SGCZ: variants seen among roughly 807,000 people sequenced by gnomAD.
SGCZ encodes the protein sarcoglycan zeta, also known as zeta-sarcoglycan.
SGCZ carries 40 observed loss-of-function variants against 41.3 expected under a neutral mutation model. The ratio of observed to expected loss-of-function variants is 0.97; its 90% CI spans 0.75 to 1.26. SGCZ has a LOEUF of 1.26. Ranked by LOEUF, SGCZ falls within the 50% of genes most tolerant of loss-of-function variation. SGCZ has a pLI of 0.00. For synonymous variants in SGCZ, 206 were observed against 137.5 expected (o/e 1.50, Z -3.49); for missense variants, 552 against 369.8 (o/e 1.49, Z -4.04).
chr8:14,721,106 T>C (rs562434617), intron 1 of SGCZ, among the ~76,000 whole-genome samples: 167 of 152,262 alleles, frequency 1.1e-3, no homozygotes, highest in African/African-American at 3.9e-3. Context: ...TGTTTCTCTT[T>C]AATTATATTT....
At chr8:14,726,930 C>T (rs1810075444) in intron 1 of SGCZ, among the ~76,000 whole-genome samples, 1 of 152,096 alleles carries the variant, frequency 6.6e-6, no homozygotes, top group South Asian at 2.1e-4. Flanking sequence ...TTATGAGCTT[C>T]ACGAATCATG....
intron 1 of SGCZ, among the ~76,000 whole-genome samples, chr8:14,801,708 T>C (rs548273481): frequency 1.3e-5 from 2 of 152,290 alleles, no homozygotes; most frequent in Admixed American, 6.5e-5. Flanking sequence ...GAAAACTTGC[T>C]AGAAGGATCA....
At chr8:14,233,019 C>T (rs1806626988) in intron 4 of SGCZ, among the ~76,000 whole-genome samples, 1 of 151,832 alleles carries the variant, frequency 6.6e-6, no homozygotes, top group Non-Finnish European at 1.5e-5. Flanking sequence ...CCATAAGTAG[C>T]CATAATAAGT....
intron 1 of SGCZ, among the ~76,000 whole-genome samples, chr8:14,719,755 C>T (rs1187724005): frequency 1.3e-5 from 2 of 151,720 alleles, no homozygotes; most frequent in Admixed American, 6.6e-5. Flanking sequence ...TAGATATTAG[C>T]CCTTTGTCAG....
chr8:15,055,263 C>T (rs1804663447), intron 1 of SGCZ, among the ~76,000 whole-genome samples: 1 of 152,136 alleles, frequency 6.6e-6, no homozygotes, highest in Non-Finnish European at 1.5e-5. Flanking sequence ...TGTATACCTA[C>T]CATAGATATT....
intron 1 of SGCZ, among the ~76,000 whole-genome samples, chr8:14,614,322 G>T (rs12056560): frequency 0.28 from 42,842 of 151,988 alleles, 7,291 homozygotes; most frequent in East Asian, 0.62. Flanking sequence ...TATAATTACA[G>T]TAATGAATAT....
chr8:15,144,327 T>A (rs1798974929), intron 1 of SGCZ, among the ~76,000 whole-genome samples: 1 of 152,200 alleles, frequency 6.6e-6, no homozygotes, highest in Non-Finnish European at 1.5e-5. Context: ...CTCTACAGCT[T>A]CTGTGTTATT....
chr8:14,446,537 T>C (rs1800436985), intron 2 of SGCZ, among the ~76,000 whole-genome samples: 1 of 152,220 alleles, frequency 6.6e-6, no homozygotes, highest in South Asian at 2.1e-4. Context: ...TATTCAGAAG[T>C]TTGTTTTCCA....
chr8:14,669,764 G>C (rs1196989719), intron 1 of SGCZ, among the ~76,000 whole-genome samples: 1 of 151,380 alleles, frequency 6.6e-6, no homozygotes, highest in Non-Finnish European at 1.5e-5. Context: ...CAGACTTTTA[G>C]TATGTTTCCA....
At chr8:15,201,966 G>A (rs1800905734) in intron 1 of SGCZ, among the ~76,000 whole-genome samples, 1 of 152,106 alleles carries the variant, frequency 6.6e-6, no homozygotes, top group African/African-American at 2.4e-5. Flanking sequence ...ACCCATTAAT[G>A]TAGTTTGATT....
intron 1 of SGCZ, among the ~76,000 whole-genome samples, chr8:14,670,920 G>C (rs1175778720): frequency 6.6e-6 from 1 of 152,194 alleles, no homozygotes; most frequent in Non-Finnish European, 1.5e-5. Flanking sequence ...TATAGAACTA[G>C]TGAGTACACA....
intron 1 of SGCZ, among the ~76,000 whole-genome samples, chr8:14,871,066 G>C (rs144814887): frequency 2.0e-5 from 3 of 152,228 alleles, no homozygotes; most frequent in African/African-American, 4.8e-5. Flanking sequence ...AATTAGGTGG[G>C]TGTGGTGGCG....
chr8:14,352,644 C>G (rs1373922753), intron 2 of SGCZ, among the ~76,000 whole-genome samples: 2 of 152,062 alleles, frequency 1.3e-5, no homozygotes, highest in East Asian at 3.9e-4. Context: ...GCCCGTAGAG[C>G]TTGTTCCCAA....
At chr8:14,228,803 G>A (rs902560899) in intron 4 of SGCZ, among the ~76,000 whole-genome samples, 5 of 151,900 alleles carry the variant, frequency 3.3e-5, no homozygotes, top group Non-Finnish European at 7.4e-5. Flanking sequence ...GTTACCAAAG[G>A]CCATATATTC....
intron 1 of SGCZ, among the ~76,000 whole-genome samples, chr8:15,140,657 G>T: frequency 6.6e-6 from 1 of 151,640 alleles, no homozygotes; most frequent in South Asian, 2.1e-4. Flanking sequence ...TTACTTTTTT[G>T]TGTAAGTAAT....
At chr8:14,926,207 TG>T (rs1799743951) in intron 1 of SGCZ, among the ~76,000 whole-genome samples, 1 of 152,206 alleles carries the variant, frequency 6.6e-6, no homozygotes, top group Non-Finnish European at 1.5e-5. Flanking sequence ...AATATATGCA[TG>T]TTCTTATACT....
chr8:14,512,159 T>C (rs1802485194), intron 2 of SGCZ, among the ~76,000 whole-genome samples: 1 of 152,180 alleles, frequency 6.6e-6, no homozygotes, highest in Admixed American at 6.6e-5. Context: ...GAAATGGTAC[T>C]GACCACAGAT....
chr8:14,198,998 G>C (rs1374708605), intron 4 of SGCZ, among the ~76,000 whole-genome samples: 2 of 152,148 alleles, frequency 1.3e-5, no homozygotes, highest in African/African-American at 2.4e-5. Flanking sequence ...ATTGTTTGTA[G>C]AGCATGTGTG....
chr8:14,337,140 C>G (rs1341162387), intron 2 of SGCZ, among the ~76,000 whole-genome samples: 1 of 152,122 alleles, frequency 6.6e-6, no homozygotes, highest in Non-Finnish European at 1.5e-5. Context: ...CCACCCCTCC[C>G]AATATATGGC....
Sources: gnomAD v4.1 joint callset for allele counts (sites outside exome capture counted in the v4.1 genomes callset) on GRCh38, gnomAD v4.1.1 for gene constraint, MANE v1.5 for transcripts, NCBI Gene and HGNC (gene_info 2026-07-23, HGNC 2026-07-21) for gene names.